Variants in BCKDK observed in about 807,000 individuals in gnomAD.
BCKDK encodes branched-chain alpha-ketoacid dehydrogenase kinase.
A neutral mutation model predicts 43.9 loss-of-function variants in BCKDK; 28 were observed. The ratio of observed to expected loss-of-function variants is 0.64; its 90% CI spans 0.47 to 0.87. The LOEUF is 0.87. BCKDK is among the 40% of genes least tolerant of loss of function. BCKDK has a pLI of 0.00. For synonymous variants in BCKDK, 257 were observed against 234.3 expected, an observed-to-expected ratio of 1.10 and a Z score of -0.88; for missense variants, 483 against 581.4, an observed-to-expected ratio of 0.83 and a Z score of 1.74.
At chr16:31,114,662 G>A (rs890551418), downstream of BCKDK, among the ~76,000 whole-genome samples, 6 of 152,100 alleles carry the variant, frequency 3.9e-5, no homozygotes, top group Non-Finnish European at 7.3e-5. Flanking sequence ...GTACCTACCC[G>A]GTCTGGCACT....
At chr16:31,111,808 G>C (rs2057414244) in intron 10 of BCKDK, 61 bp from the exon 11 acceptor site, 3 of 1,591,860 alleles carry the variant, frequency 1.9e-6, no homozygotes, top group Non-Finnish European at 2.6e-6. Flanking sequence ...CTGTCTGCTT[G>C]GGGGGTGGTG....
chr16:31,110,922 T>C lies in BCKDK; in HGVS notation c.716+161T>C, dbSNP rs183605757. On this transcript the variant is annotated intron_variant, in intron 8 of 11. Coordinates refer to ENST00000219794, the MANE Select transcript of BCKDK (RefSeq NM_005881.4). The surrounding 1 kb of genome is among the most constrained non-coding windows in gnomAD (Gnocchi z 5.4). ...ATTCTTTGTCACAGGGGCTGCCCCG[T>C]GCACGTTAGGAAGTTCAGCAGCATC... is the stretch of plus-strand genomic sequence containing the variant. 1 of 1,330,374 alleles carries C rather than the reference T, an allele frequency of 7.5e-7. No homozygotes were observed. The highest frequency in any genetic ancestry group is 2.0e-5 in the Admixed American group (1 of 48,960). The allele number at this position is 1,330,374 out of a possible 1,614,324, so 82.4% of individuals were successfully genotyped here.
At position 31,109,685 on chromosome 16, in the gene BCKDK, T is replaced by TCC. The variant is rs779349318; in HGVS notation, c.277_278insCC (p.Tyr93SerfsTer9). On this transcript the variant is annotated frameshift_variant, in exon 4 of 12. Coordinates refer to ENST00000219794, the MANE Select transcript of BCKDK (RefSeq NM_005881.4). LOFTEE classifies it high-confidence loss of function. This position sits in a 1 kb window ranked among gnomAD's most constrained non-coding sequence, Gnocchi z 5.3. ...CATTTTCTCCCAGAAAAGTGCTCGG[T>TCC]ACCTGCAGCAAGAACTTCCAGTGAG... The TCC allele has an allele frequency of 6.2e-7, 1 of 1,614,078 alleles. No individual in the cohort carries two copies. The highest frequency in any genetic ancestry group is 1.1e-5 in the South Asian group (1 of 91,088).
chr16:31,109,722 G>C lies in BCKDK; in HGVS notation c.314G>C (p.Arg105Pro). The change falls in exon 4 of 12, where the codon CGC becomes CCC. Residue 105 changes from arginine to proline, a missense_variant. Transcript: ENST00000219794. This position sits in a 1 kb window ranked among gnomAD's most constrained non-coding sequence, Gnocchi z 5.3. ...GAACTTCCAGTGAGGATTGCTCACC[G>C]CATCAAGGGCTTCCGCTGCCTTCCT... ...QQELPVRIAHRIKGFRCLPFI... is the reference protein window; with the variant it reads ...QQELPVRIAHPIKGFRCLPFI... The C allele has an allele frequency of 1.9e-6, 3 of 1,613,968 alleles. No individual in the cohort carries two copies. The highest frequency in any genetic ancestry group is 2.5e-6 in the Non-Finnish European group (3 of 1,180,022).
Position 31,109,967 on chromosome 16 carries a change from T to G in BCKDK, c.376-110T>G. The stretch of plus-strand genomic sequence containing the variant: ...GCCTGGAAGGGTCGAAGTGGGGGTT[T>G]GATCACGTGGTCGACCAGCTGGGTG... On this transcript the variant is annotated intron_variant, in intron 4 of 11. Transcript: ENST00000219794. This position sits in a 1 kb window ranked among gnomAD's most constrained non-coding sequence, Gnocchi z 5.3. 1 of 1,505,576 alleles carries G rather than the reference T, an allele frequency of 6.6e-7. No individual in the cohort carries two copies. Among genetic ancestry groups the G allele is most frequent in the Non-Finnish European group, 9.2e-7 (1 of 1,083,602 alleles). 93.3% of individuals were successfully genotyped at this position (1,505,576 alleles called of 1,614,324 possible).
chr16:31,111,850 G>A lies in BCKDK; in HGVS notation c.936-19G>A. On this transcript the variant is annotated intron_variant, in intron 10 of 11. Coordinates refer to ENST00000219794, the MANE Select transcript of BCKDK (RefSeq NM_005881.4). ...CCATCAAAGCTGAGCCAAGCCCATT[G>A]TTGTTGCCATCTTGCTAGGATCTCA... 6.2e-7 allele frequency: 1 copy of A among 1,613,862 alleles called. No individual in the cohort carries two copies. The highest frequency in any genetic ancestry group is 8.5e-7 in the Non-Finnish European group (1 of 1,179,880).
Position 31,111,995 on chromosome 16 carries a change from GC to G in BCKDK, c.1063del (p.His355IlefsTer149). Reference sequence around the variant, plus strand: ...GCCCCCTCTTTGGCCATCTGGACATGCATAGTGGCGCCCAGTCAGGACCCAT... The same window carrying G: ...GCCCCCTCTTTGGCCATCTGGACATGATAGTGGCGCCCAGTCAGGACCCAT... ...ISPLFGHLDM[H>X]SGAQSGPMHG... On this transcript the variant is annotated frameshift_variant, in exon 11 of 12. Coordinates refer to ENST00000219794, the MANE Select transcript of BCKDK (RefSeq NM_005881.4). LOFTEE classifies it high-confidence loss of function. 6.2e-7 allele frequency: 1 copy of G among 1,614,108 alleles called. No individual in the cohort carries two copies. Among genetic ancestry groups the G allele is most frequent in the Non-Finnish European group, 8.5e-7 (1 of 1,180,010 alleles).
At position 31,110,370 on chromosome 16, in the gene BCKDK, G is replaced by A. The variant is rs1567428853; in HGVS notation, c.544-31G>A. The A allele has an allele frequency of 6.2e-7, 1 of 1,613,960 alleles. No homozygotes were observed. Among genetic ancestry groups the A allele is most frequent in the South Asian group, 1.1e-5 (1 of 91,082 alleles). ...GCCGGGCCTGCTGGGGGTGGGAAGG[G>A]CACGGGATTCTGAGACCTCACTCTT... is the stretch of plus-strand genomic sequence containing the variant. On this transcript the variant is annotated intron_variant, in intron 6 of 11. Coordinates refer to ENST00000219794, the MANE Select transcript of BCKDK (RefSeq NM_005881.4). This position sits in a 1 kb window ranked among gnomAD's most constrained non-coding sequence, Gnocchi z 5.4.
In BCKDK at chr16:31,109,728, A is replaced by G; in HGVS notation, c.320A>G (p.Lys107Arg). The stretch of plus-strand genomic sequence containing the variant: ...CCAGTGAGGATTGCTCACCGCATCA[A>G]GGGCTTCCGCTGCCTTCCTTTCATC... ...ELPVRIAHRIKGFRCLPFIIG... is the reference protein window; with the variant it reads ...ELPVRIAHRIRGFRCLPFIIG... Residue 107 changes from lysine to arginine, a missense_variant, in exon 4 of 12, where the codon AAG (lysine) becomes AGG (arginine). Lys to Arg is a conservative substitution (Grantham distance 26). Coordinates refer to ENST00000219794, the MANE Select transcript of BCKDK (RefSeq NM_005881.4). This position sits in a 1 kb window ranked among gnomAD's most constrained non-coding sequence, Gnocchi z 5.3. 4 of 1,613,968 alleles carry G rather than the reference A, an allele frequency of 2.5e-6. No individual in the cohort carries two copies. Among genetic ancestry groups the G allele is most frequent in the Non-Finnish European group, 3.4e-6 (4 of 1,180,024 alleles).
chr16:31,115,295 TCAC>T (rs1051017859), downstream of BCKDK, among the ~76,000 whole-genome samples: 6 of 146,676 alleles, frequency 4.1e-5, no homozygotes, highest in African/African-American at 1.5e-4. Flanking sequence ...CAATCTCAGC[TCAC>T]CACAACCTCT....
At chr16:31,111,841 A>G in intron 10 of BCKDK, 28 bp from the exon 11 acceptor site, 2 of 1,613,328 alleles carry the variant, frequency 1.2e-6, no homozygotes, top group Non-Finnish European at 1.7e-6. Context: ...AAGCTGAGCC[A>G]AGCCCATTGT....
In BCKDK at chr16:31,109,132, C is replaced by A; in HGVS notation, c.-92C>A. 3 of 1,218,352 alleles carry A rather than the reference C, an allele frequency of 2.5e-6. No individual in the cohort carries two copies. The highest frequency in any genetic ancestry group is 2.7e-5 in the East Asian group (1 of 36,680). The allele number at this position is 1,218,352 out of a possible 1,614,324, so 75.5% of individuals were successfully genotyped here. ...AGTCGGAGAAGAGCCCCTACCCACC[C>A]ACACCCCCTTGCCCCATTTTGGGTC... is the stretch of plus-strand genomic sequence containing the variant. On this transcript the variant is annotated 5_prime_UTR_variant, in exon 2 of 12. Transcript: ENST00000219794. The surrounding 1 kb of genome is among the most constrained non-coding windows in gnomAD (Gnocchi z 5.3).
At chr16:31,113,919 A>T (rs1271455006), downstream of BCKDK, among the ~76,000 whole-genome samples, 4 of 152,156 alleles carry the variant, frequency 2.6e-5, no homozygotes, top group East Asian at 7.7e-4. Context: ...CAAGGATGTG[A>T]CCTCAGGCAA....
downstream of BCKDK, chr16:31,117,479 C>G: frequency 2.4e-6 from 1 of 413,682 alleles, no homozygotes. Context: ...GCCACAGGTC[C>G]GCACGGAAAA....
Position 31,111,990 on chromosome 16 carries a change from G to A in BCKDK, c.1057G>A (p.Asp353Asn), listed in dbSNP as rs959757913. ...PRISPLFGHL[D>N]MHSGAQSGPM... ...GATCAGCCCCCTCTTTGGCCATCTGGACATGCATAGTGGCGCCCAGTCAGG... is the reference window on the plus strand; with the variant it reads ...GATCAGCCCCCTCTTTGGCCATCTGAACATGCATAGTGGCGCCCAGTCAGG... The change falls in exon 11 of 12, where the codon GAC (aspartate) becomes AAC (asparagine). Residue 353 changes from aspartate (D) to asparagine (N), a missense_variant. By Grantham distance (23) the Asp-to-Asn change is conservative. Transcript: ENST00000219794. The A allele has an allele frequency of 7.4e-6, 12 of 1,613,990 alleles. No homozygotes were observed. The highest frequency in any genetic ancestry group is 1.7e-5 in the Admixed American group (1 of 59,992).
chr16:31,117,369 A>AAAATAAATAAATAAATAAATAAAT (rs533043650), downstream of BCKDK: 2,811 of 146,498 alleles, frequency 0.019, 44 homozygotes, highest in Middle Eastern at 0.024. Context: ...ATTCCGTCTC[A>AAAATAAATAAATAAATAAATAAAT]AAATAAATAA....
downstream of BCKDK, chr16:31,117,426 C>A: frequency 2.8e-6 from 1 of 360,706 alleles, no homozygotes; most frequent in East Asian, 3.8e-5. Flanking sequence ...GTTGAGTCAT[C>A]GCATGAGGTA....
chr16:31,116,988 G>A (rs1169769920), downstream of BCKDK, among the ~76,000 whole-genome samples: 1 of 151,588 alleles, frequency 6.6e-6, no homozygotes, highest in Non-Finnish European at 1.5e-5. Context: ...GGCCACCAGG[G>A]CGGCCGCTCT....
rs755577638 is a variant in BCKDK at position 31,110,433 on chromosome 16, G to C, written c.576G>C (p.Lys192Asn). Residue 192 changes from lysine to asparagine, a missense_variant, in exon 7 of 12, where the codon AAG becomes AAC. Physicochemically the swap from Lys to Asn is moderately conservative, Grantham distance 94 (BLOSUM62 0). Coordinates refer to ENST00000219794, the MANE Select transcript of BCKDK (RefSeq NM_005881.4). The surrounding 1 kb of genome is among the most constrained non-coding windows in gnomAD (Gnocchi z 5.4). ...DEKLVRYFLDKTLTSRLGIRM... is the reference protein window; with the variant it reads ...DEKLVRYFLDNTLTSRLGIRM... The stretch of plus-strand genomic sequence containing the variant: ...AGCTCGTCCGCTACTTCTTGGACAA[G>C]ACGCTGACTTCGAGGCTTGGAATCC... 1 of 1,613,976 alleles carries C rather than the reference G, an allele frequency of 6.2e-7. No homozygotes were observed. Among genetic ancestry groups the C allele is most frequent in the Non-Finnish European group, 8.5e-7 (1 of 1,180,042 alleles).
Sources: gnomAD v4.1 joint callset for allele counts (sites outside exome capture counted in the v4.1 genomes callset) on GRCh38, gnomAD v4.1.1 for gene constraint, Gnocchi (gnomAD v3.1) non-coding constraint, MANE v1.5 for transcripts, NCBI Gene and HGNC (gene_info 2026-07-23, HGNC 2026-07-21) for gene names.